Variants in LHFPL2 observed in about 807,000 individuals in gnomAD.
LHFPL2 encodes LHFPL tetraspan subfamily member 2, also known as LHFPL tetraspan subfamily member 2 protein.
LHFPL2 carries 7 observed loss-of-function variants against 17.5 expected under a neutral mutation model. The ratio of observed to expected loss-of-function variants is 0.40; its 90% CI spans 0.23 to 0.75. LHFPL2 has a LOEUF of 0.75. Among genes scored for constraint, LHFPL2 ranks in the 30% least tolerant of loss-of-function variants. The pLI is 0.37. For synonymous variants in LHFPL2, 134 were observed against 116.2 expected (o/e 1.15, Z -0.99); for missense variants, 241 against 294.8 (o/e 0.82, Z 1.34).
chr5:78,550,438 C>T (rs1183692900), intron 3 of LHFPL2, among the ~76,000 whole-genome samples: 1 of 152,170 alleles, frequency 6.6e-6, no homozygotes. Context: ...CAATTCAGGG[C>T]CCAAACTCCA....
At chr5:78,578,896 G>C (rs1213275372) in intron 2 of LHFPL2, among the ~76,000 whole-genome samples, 2 of 152,196 alleles carry the variant, frequency 1.3e-5, no homozygotes, top group African/African-American at 2.4e-5. Flanking sequence ...CAGCAACGTA[G>C]GTGAGCAATG....
At chr5:78,593,319 AAAG>A in intron 2 of LHFPL2, among the ~76,000 whole-genome samples, 1 of 152,178 alleles carries the variant, frequency 6.6e-6, no homozygotes, top group East Asian at 1.9e-4. Flanking sequence ...GAATTAAGGA[AAAG>A]AAGAGCTAAA....
intron 2 of LHFPL2, among the ~76,000 whole-genome samples, chr5:78,628,674 C>A (rs545491026): frequency 6.6e-6 from 1 of 152,206 alleles, no homozygotes; most frequent in Admixed American, 6.5e-5. Flanking sequence ...GGGCTGGTCA[C>A]CCCCATAAAA....
At position 78,575,947 on chromosome 5, in the gene LHFPL2, G is replaced by A. The variant is rs187798099; in HGVS notation, c.-244-11076C>T. On this transcript the variant is annotated intron_variant, in intron 2 of 4. Coordinates refer to ENST00000380345, the MANE Select transcript of LHFPL2 (RefSeq NM_005779.3). ...CTTGCTCTGTCACCTATGCTGGAGC[G>A]CAGTGGCCTGGTGCAATCTTACAGG... is the stretch of plus-strand genomic sequence containing the variant. 9.9e-5 allele frequency among the ~76,000 whole-genome samples: 15 copies of A among 152,276 alleles called. No homozygotes were observed. The East Asian group carries it at 2.1e-3, about 22-fold the overall frequency.
chr5:78,571,570 T>C (rs2112426473), intron 2 of LHFPL2, among the ~76,000 whole-genome samples: 1 of 152,190 alleles, frequency 6.6e-6, no homozygotes, highest in Non-Finnish European at 1.5e-5. Flanking sequence ...TGGGGTGACA[T>C]CCAAAAATGA....
chr5:78,546,201 T>A (rs1291984357), intron 3 of LHFPL2, among the ~76,000 whole-genome samples: 1 of 152,256 alleles, frequency 6.6e-6, no homozygotes, highest in Non-Finnish European at 1.5e-5. Context: ...TTCTCTATAT[T>A]CTCTTTTCTA....
intron 4 of LHFPL2, among the ~76,000 whole-genome samples, chr5:78,509,013 G>A (rs1174820363): frequency 6.6e-6 from 1 of 152,180 alleles, no homozygotes; most frequent in Non-Finnish European, 1.5e-5. Context: ...ACCCATGCGG[G>A]GAAGCCTACG....
intron 2 of LHFPL2, among the ~76,000 whole-genome samples, chr5:78,581,399 A>G (rs536235219): frequency 1.1e-3 from 160 of 151,550 alleles, no homozygotes; most frequent in African/African-American, 3.2e-3. Context: ...TCCAGTTCTT[A>G]CACATTCAGT....
At chr5:78,527,364 T>TTG (rs1755649222) in intron 3 of LHFPL2, among the ~76,000 whole-genome samples, 1 of 44,006 alleles carries the variant, frequency 2.3e-5, no homozygotes, top group African/African-American at 1.1e-4. Context: ...TGATGAGGAG[T>TTG]TTTTTTTTTT....
At chr5:78,536,427 A>T (rs1469544480) in intron 3 of LHFPL2, among the ~76,000 whole-genome samples, 1 of 152,222 alleles carries the variant, frequency 6.6e-6, no homozygotes, top group African/African-American at 2.4e-5. Context: ...TTCTCTCCCA[A>T]ACATGGCCTT....
intron 2 of LHFPL2, among the ~76,000 whole-genome samples, chr5:78,589,305 C>T (rs1206427849): frequency 6.6e-6 from 1 of 151,938 alleles, no homozygotes; most frequent in Non-Finnish European, 1.5e-5. Flanking sequence ...CCCATTTCTA[C>T]TCAAAATAAA....
At chr5:78,496,565 G>C (rs527441126) in intron 4 of LHFPL2, among the ~76,000 whole-genome samples, 1 of 152,230 alleles carries the variant, frequency 6.6e-6, no homozygotes, top group African/African-American at 2.4e-5. Context: ...CCCAGCCCTT[G>C]TTGACCCAGC....
At chr5:78,644,335 A>C (rs2112532197) in intron 1 of LHFPL2, 2 of 1,237,744 alleles carry the variant, frequency 1.6e-6, no homozygotes, top group East Asian at 5.1e-5. Flanking sequence ...TTGACAACTC[A>C]CTTTTTTGCT....
chr5:78,561,022 CAT>C (rs978440085), intron 3 of LHFPL2, among the ~76,000 whole-genome samples: 2 of 152,126 alleles, frequency 1.3e-5, no homozygotes, highest in South Asian at 2.1e-4. Flanking sequence ...ATTATTTTGA[CAT>C]GTGATCAGCA....
intron 2 of LHFPL2, 119 bp from the exon 3 acceptor site, chr5:78,564,990 C>T (rs1303255333): frequency 6.6e-6 from 1 of 152,170 alleles, no homozygotes; most frequent in Non-Finnish European, 1.5e-5. Flanking sequence ...GGTCCCCAGG[C>T]AGCACACAGC....
intron 1 of LHFPL2, among the ~76,000 whole-genome samples, chr5:78,638,042 A>G (rs111307250): frequency 0.023 from 3,482 of 152,264 alleles, 116 homozygotes; most frequent in African/African-American, 0.079. Flanking sequence ...CCCAAAGCCC[A>G]GTTTTTAGGA....
At chr5:78,639,415 C>A (rs1580883362) in intron 1 of LHFPL2, among the ~76,000 whole-genome samples, 1 of 152,124 alleles carries the variant, frequency 6.6e-6, no homozygotes, top group African/African-American at 2.4e-5. Flanking sequence ...GGATTCAGAT[C>A]AAAAATGACT....
chr5:78,622,952 A>T (rs1744910976), intron 2 of LHFPL2, among the ~76,000 whole-genome samples: 1 of 152,144 alleles, frequency 6.6e-6, no homozygotes, highest in Non-Finnish European at 1.5e-5. Flanking sequence ...TGGGGTGATG[A>T]TTGGGGATCT....
intron 2 of LHFPL2, among the ~76,000 whole-genome samples, chr5:78,573,092 C>T (rs1347232039): frequency 6.6e-6 from 1 of 152,142 alleles, no homozygotes; most frequent in Non-Finnish European, 1.5e-5. Context: ...TGAAATAACA[C>T]TGCATTGCTT....
Sources: allele counts gnomAD v4.1 joint callset (sites outside exome capture counted in the v4.1 genomes callset), GRCh38; gene constraint gnomAD v4.1.1; transcripts MANE v1.5; gene names NCBI Gene and HGNC (gene_info 2026-07-23, HGNC 2026-07-21).